The following ALK variants were observed in gnomAD, a reference collection of about 807,000 sequenced individuals.
ALK encodes the protein ALK tyrosine kinase receptor.
ALK carries 74 observed loss-of-function variants against 163.1 expected under a neutral mutation model. The ratio of observed to expected loss-of-function variants is 0.45; its 90% CI spans 0.38 to 0.55. The LOEUF is 0.55. Ranked by LOEUF, ALK falls within the 20% of genes least tolerant of loss-of-function variation. The pLI, the probability that ALK is intolerant of heterozygous loss-of-function variation, is 0.00. For missense variants in ALK, 2,063 were observed against 2,105.3 expected (o/e 0.98, Z 0.39); for synonymous variants, 960 against 843.2 (o/e 1.14, Z -2.40).
chr2:29,821,728 G>A (rs1056663484), intron 1 of ALK, among the ~76,000 whole-genome samples: 3 of 152,128 alleles, frequency 2.0e-5, no homozygotes, highest in African/African-American at 7.2e-5. Context: ...TTCACCAATT[G>A]AATTGTCCTG....
intron 5 of ALK, among the ~76,000 whole-genome samples, chr2:29,363,806 A>G (rs1668437014): frequency 1.3e-5 from 2 of 152,196 alleles, no homozygotes; most frequent in South Asian, 4.1e-4. Context: ...TCTCTTCAGA[A>G]AAGTTATTAA....
chr2:29,286,525 A>G (rs973702399), intron 9 of ALK: 2 of 152,244 alleles, frequency 1.3e-5, no homozygotes, highest in South Asian at 2.1e-4. Context: ...CTCTGAAAGA[A>G]AAAAATACGT....
intron 3 of ALK, among the ~76,000 whole-genome samples, chr2:29,689,296 A>T (rs187725130): frequency 6.6e-6 from 1 of 152,234 alleles, no homozygotes; most frequent in African/African-American, 2.4e-5. Flanking sequence ...ACTCAGAGTC[A>T]GCTCAGCCAC....
At chr2:29,409,714 G>C (rs1474061009) in intron 4 of ALK, among the ~76,000 whole-genome samples, 1 of 152,128 alleles carries the variant, frequency 6.6e-6, no homozygotes, top group African/African-American at 2.4e-5. Context: ...CAGTATTTTT[G>C]CTGAGTTTTG....
At chr2:29,362,160 A>G (rs1668402887) in intron 5 of ALK, among the ~76,000 whole-genome samples, 1 of 152,202 alleles carries the variant, frequency 6.6e-6, no homozygotes, top group South Asian at 2.1e-4. Flanking sequence ...AATCGAAGAG[A>G]ACAGGGGGAA....
chr2:29,379,885 T>C (rs1256851578), intron 5 of ALK, among the ~76,000 whole-genome samples: 1 of 152,134 alleles, frequency 6.6e-6, no homozygotes, highest in Non-Finnish European at 1.5e-5. Flanking sequence ...AACAGTAGTA[T>C]TGTGTTAGTC....
chr2:29,497,050 C>G (rs1281756061), intron 4 of ALK, among the ~76,000 whole-genome samples: 1 of 152,164 alleles, frequency 6.6e-6, no homozygotes, highest in East Asian at 1.9e-4. Flanking sequence ...GCGGGTTTAT[C>G]ACCTGAGGTG....
chr2:29,451,112 T>A (rs72792475), intron 4 of ALK, among the ~76,000 whole-genome samples: 10,807 of 152,286 alleles, frequency 0.071, 541 homozygotes, highest in Non-Finnish European at 0.11. Context: ...TGTTTTCTAA[T>A]CTCAGGTTTA....
intron 9 of ALK, among the ~76,000 whole-genome samples, chr2:29,277,399 C>T (rs1213163558): frequency 6.6e-6 from 1 of 152,164 alleles, no homozygotes; most frequent in East Asian, 1.9e-4. Context: ...TGGAGCAAAG[C>T]CTTGAATCCC....
At chr2:29,424,628 G>A (rs1177118802) in intron 4 of ALK, among the ~76,000 whole-genome samples, 1 of 152,178 alleles carries the variant, frequency 6.6e-6, no homozygotes, top group Non-Finnish European at 1.5e-5. Flanking sequence ...TTAAGCTTCT[G>A]GTCCCTAAGA....
At chr2:29,354,663 C>T (rs541448803) in intron 5 of ALK, among the ~76,000 whole-genome samples, 2 of 152,240 alleles carry the variant, frequency 1.3e-5, no homozygotes, top group East Asian at 1.9e-4. Flanking sequence ...ATGCTCTCAC[C>T]TCTTTTGAGG....
chr2:29,466,582 G>C (rs536057303), intron 4 of ALK, among the ~76,000 whole-genome samples: 1 of 152,176 alleles, frequency 6.6e-6, no homozygotes, highest in Non-Finnish European at 1.5e-5. Flanking sequence ...ATTTTAAGAG[G>C]CTAGGAACCA....
At chr2:29,194,015 C>T in intron 28 of ALK, 93 bp from the exon 29 acceptor site, 1 of 1,255,318 alleles carries the variant, frequency 8.0e-7, no homozygotes, top group South Asian at 1.3e-5. Context: ...TAAACATATT[C>T]TACAGATGAG....
At chr2:29,553,845 C>T (rs541440890) in intron 3 of ALK, among the ~76,000 whole-genome samples, 20 of 152,232 alleles carry the variant, frequency 1.3e-4, no homozygotes, top group Middle Eastern at 6.8e-3. Context: ...TAATTAGTTG[C>T]TTCTCATCTT....
At chr2:29,530,107 T>C (rs1387586225) in intron 4 of ALK, among the ~76,000 whole-genome samples, 1 of 150,474 alleles carries the variant, frequency 6.6e-6, no homozygotes, top group Non-Finnish European at 1.5e-5. Flanking sequence ...CATATTTCCC[T>C]TTCTCTTTCC....
At chr2:29,758,160 G>GCCA (rs1434470428) in intron 1 of ALK, among the ~76,000 whole-genome samples, 1 of 151,842 alleles carries the variant, frequency 6.6e-6, no homozygotes, top group African/African-American at 2.4e-5. Context: ...ACAGGCATGT[G>GCCA]CCACCATACC....
chr2:29,799,975 G>A (rs771646826), intron 1 of ALK, among the ~76,000 whole-genome samples: 9 of 152,202 alleles, frequency 5.9e-5, no homozygotes, highest in South Asian at 2.1e-4. Context: ...GCACTGTGCC[G>A]CATTAGGGTG....
intron 1 of ALK, among the ~76,000 whole-genome samples, chr2:29,735,409 G>T (rs1234481113): frequency 6.6e-6 from 1 of 151,962 alleles, no homozygotes; most frequent in Admixed American, 6.6e-5. Flanking sequence ...ATCTTAGTTG[G>T]AAACAACTTA....
chr2:29,642,921 T>C (rs1292153568), intron 3 of ALK, among the ~76,000 whole-genome samples: 1 of 152,212 alleles, frequency 6.6e-6, no homozygotes, highest in Admixed American at 6.5e-5. Context: ...AGCACCTACA[T>C]AGTTTGGTAC....
Sources: gnomAD v4.1 joint callset for allele counts (sites outside exome capture counted in the v4.1 genomes callset) on GRCh38, gnomAD v4.1.1 for gene constraint, MANE v1.5 for transcripts, NCBI Gene and HGNC (gene_info 2026-07-23, HGNC 2026-07-21) for gene names.